The following IL27 variants were observed in gnomAD, a reference collection of about 807,000 sequenced individuals.
IL27 encodes interleukin-27 subunit alpha.
In IL27, 11 loss-of-function variants were observed where a neutral mutation model predicts 27.0. That is an observed-to-expected ratio of 0.41 (90% CI 0.26 to 0.67). The LOEUF is 0.67. IL27 is among the 30% of genes least tolerant of loss of function. The pLI is 0.34. For missense variants in IL27, 299 were observed against 310.4 expected (o/e 0.96, Z 0.28); for synonymous variants, 134 against 140.6 (o/e 0.95, Z 0.33).
At chr16:28,502,552 C>T (rs1220832837) in intron 3 of IL27, among the ~76,000 whole-genome samples, 1 of 151,904 alleles carries the variant, frequency 6.6e-6, no homozygotes, top group East Asian at 1.9e-4. Flanking sequence ...TCCATCTTTC[C>T]ATCCCATCTC....
In IL27 at chr16:28,499,871, TC is replaced by T; in HGVS notation, c.511del (p.Glu171ArgfsTer69). On this transcript the variant is annotated frameshift_variant, in exon 5 of 5. Coordinates refer to ENST00000356897, the MANE Select transcript of IL27 (RefSeq NM_145659.3). LOFTEE classifies it high-confidence loss of function. Reference sequence around the variant, plus strand: ...CCCCTTCCTCTCCTCCTCCTCCTCCTCCTCTTCCTCCTCCTCCTCCTCCGGG... The same window carrying T: ...CCCCTTCCTCTCCTCCTCCTCCTCCTCTCTTCCTCCTCCTCCTCCTCCGGG... ...NLPEEEEEEE[E>X]EEEEERKGLL... The T allele has an allele frequency of 6.4e-7, 1 of 1,553,898 alleles. No individual in the cohort carries two copies. Among genetic ancestry groups the T allele is most frequent in the Non-Finnish European group, 8.7e-7 (1 of 1,148,200 alleles).
At chr16:28,503,555 C>A in intron 3 of IL27, 140 bp downstream of exon 3, 1 of 652,274 alleles carries the variant, frequency 1.5e-6, no homozygotes, top group South Asian at 2.0e-5. Flanking sequence ...GCCTGTCTTT[C>A]ATCTCTATGT....
Position 28,499,648 on chromosome 16 carries a change from C to G in IL27, c.*3G>C, listed in dbSNP as rs200162263. ...GGGGGGCAGGGGGCTAAGAAGCCACCGATCAGGGCTGGGGGCTCAATGTTG... is the reference window on the plus strand; with the variant it reads ...GGGGGGCAGGGGGCTAAGAAGCCACGGATCAGGGCTGGGGGCTCAATGTTG... On this transcript the variant is annotated 3_prime_UTR_variant, in exon 5 of 5. Coordinates refer to ENST00000356897, the MANE Select transcript of IL27 (RefSeq NM_145659.3). 1 of 1,605,022 alleles carries G rather than the reference C, an allele frequency of 6.2e-7. No individual in the cohort carries two copies.
In IL27 at chr16:28,503,745, C is replaced by T. The variant is rs908907390; in HGVS notation, c.253G>A (p.Glu85Lys). ...GVNLYLLPLG[E>K]QLPDVSLTFQ... Reference sequence around the variant, plus strand: ...GTCAGGGAAACATCAGGGAGCTGCTCTCCCAGGGGCAGGAGGTACAGGTTC... The same window carrying T: ...GTCAGGGAAACATCAGGGAGCTGCTTTCCCAGGGGCAGGAGGTACAGGTTC... Residue 85 changes from glutamate to lysine, a missense_variant, in exon 3 of 5, where the codon GAG becomes AAG. By Grantham distance (56) the Glu-to-Lys change is moderately conservative. Coordinates refer to ENST00000356897, the MANE Select transcript of IL27 (RefSeq NM_145659.3). 3 of 1,613,664 alleles carry T rather than the reference C, an allele frequency of 1.9e-6. No individual in the cohort carries two copies. The highest frequency in any genetic ancestry group is 1.1e-5 in the South Asian group (1 of 91,014).
chr16:28,504,206 G>A (rs1042161871), intron 1 of IL27, among the ~76,000 whole-genome samples, 156 bp from the exon 2 acceptor site: 6 of 152,198 alleles, frequency 3.9e-5, no homozygotes, highest in African/African-American at 7.2e-5. Flanking sequence ...GGCTGGGTGC[G>A]GTGACTCACA....
At chr16:28,502,886 G>A (rs902177385) in intron 3 of IL27, among the ~76,000 whole-genome samples, 4 of 152,078 alleles carry the variant, frequency 2.6e-5, no homozygotes, top group Non-Finnish European at 4.4e-5. Context: ...GCAGTGGCGC[G>A]ATCTCATCTC....
intron 4 of IL27, among the ~76,000 whole-genome samples, chr16:28,500,948 C>G (rs906877704): frequency 1.3e-5 from 2 of 152,148 alleles, no homozygotes; most frequent in African/African-American, 4.8e-5. Flanking sequence ...GCCTGTAATC[C>G]CAGCACTTTG....
At position 28,502,103 on chromosome 16, in the gene IL27, G is replaced by T. The variant is rs147722011; in HGVS notation, c.335C>A (p.Thr112Lys). The change falls in exon 4 of 5, where the codon ACG (threonine) becomes AAG (lysine). Residue 112 changes from threonine (T) to lysine (K), a missense_variant. Coordinates refer to ENST00000356897, the MANE Select transcript of IL27 (RefSeq NM_145659.3). ...CAGCAGGGCATGGAAGGGCTGAAGC[G>T]TGGTGGAGATGAAGCAGAGACGCTC... ...DPERLCFISTTLQPFHALLGG... is the reference protein window; with the variant it reads ...DPERLCFISTKLQPFHALLGG... 187 of 1,612,802 alleles carry T rather than the reference G, an allele frequency of 1.2e-4. No homozygotes were observed. The African/African-American group carries it at 2.3e-3, about 20-fold the overall frequency.
intron 1 of IL27, 116 bp downstream of exon 1, chr16:28,506,665 C>G: frequency 9.6e-7 from 1 of 1,041,678 alleles, no homozygotes; most frequent in Non-Finnish European, 1.4e-6. Flanking sequence ...CCAGCCGAAT[C>G]CTCAGTCTTG....
intron 4 of IL27, among the ~76,000 whole-genome samples, chr16:28,500,757 A>C (rs1473038869): frequency 6.6e-6 from 1 of 152,204 alleles, no homozygotes; most frequent in Non-Finnish European, 1.5e-5. Context: ...CCTCCTGTTG[A>C]AGATAGAGCC....
At position 28,503,781 on chromosome 16, in the gene IL27, G is replaced by C. The variant is rs373456186; in HGVS notation, c.217C>G (p.Leu73Val). 1.6e-4 allele frequency: 255 copies of C among 1,613,482 alleles called. No individual in the cohort carries two copies. Among genetic ancestry groups the C allele is most frequent in the Non-Finnish European group, 2.0e-4 (239 of 1,179,672 alleles). Residue 73 changes from leucine (L) to valine (V), a missense_variant, in exon 3 of 5, where the codon CTG becomes GTG. Transcript: ENST00000356897. ...AGGAGGTACAGGTTCACTCCTGGCAGGTGAGATTCCGCCTGGGGGGCAAGG... is the reference window on the plus strand; with the variant it reads ...AGGAGGTACAGGTTCACTCCTGGCACGTGAGATTCCGCCTGGGGGGCAAGG... ...GQAHRFAESH[L>V]PGVNLYLLPL...
intron 1 of IL27, 141 bp from the exon 2 acceptor site, chr16:28,504,191 A>C: frequency 3.5e-5 from 29 of 833,450 alleles, no homozygotes; most frequent in Non-Finnish European, 5.1e-5. Flanking sequence ...CAAAACCACA[A>C]TGGAGGCTGG....
In IL27 at chr16:28,499,868, T is replaced by A; in HGVS notation, c.515A>T (p.Glu172Val). The A allele has an allele frequency of 6.4e-7, 1 of 1,553,984 alleles. No individual in the cohort carries two copies. Among genetic ancestry groups the A allele is most frequent in the South Asian group, 1.2e-5 (1 of 84,254 alleles). The change falls in exon 5 of 5, where the codon GAG (glutamate) becomes GTG (valine). Residue 172 changes from glutamate to valine, a missense_variant. Transcript: ENST00000356897. ...LPEEEEEEEEEEEEERKGLLP... is the reference protein window; with the variant it reads ...LPEEEEEEEEVEEEERKGLLP... Reference sequence around the variant, plus strand: ...CAGCCCCTTCCTCTCCTCCTCCTCCTCCTCCTCTTCCTCCTCCTCCTCCTC... The same window carrying A: ...CAGCCCCTTCCTCTCCTCCTCCTCCACCTCCTCTTCCTCCTCCTCCTCCTC...
At position 28,505,833 on chromosome 16, in the gene IL27, G is replaced by A. The variant is rs528734473; in HGVS notation, c.31+948C>T. 3.3e-5 allele frequency among the ~76,000 whole-genome samples: 5 copies of A among 152,202 alleles called. No individual in the cohort carries two copies. In the East Asian group the frequency reaches 9.7e-4, roughly 29 times the overall value. The stretch of plus-strand genomic sequence containing the variant: ...TCCCTTCTCTCCCTGCCTCTTCCCT[G>A]TCCTCTCTCAATCTCTAACCCCTGG... On this transcript the variant is annotated intron_variant, in intron 1 of 4. Coordinates refer to ENST00000356897, the MANE Select transcript of IL27 (RefSeq NM_145659.3).
Position 28,499,446 on chromosome 16 carries a change from C to T in IL27, c.*205G>A. ...GGCCCCAAGACAATAAATAAACCATCATCTCCCTAAACAATAAATAAATAT... is the reference window on the plus strand; with the variant it reads ...GGCCCCAAGACAATAAATAAACCATTATCTCCCTAAACAATAAATAAATAT... On this transcript the variant is annotated 3_prime_UTR_variant, in exon 5 of 5. Coordinates refer to ENST00000356897, the MANE Select transcript of IL27 (RefSeq NM_145659.3). 3.6e-6 allele frequency: 2 copies of T among 552,666 alleles called. No individual in the cohort carries two copies. The highest frequency in any genetic ancestry group is 6.5e-6 in the Non-Finnish European group (2 of 309,674). The allele number at this position is 552,666 out of a possible 1,614,324, so 34.2% of individuals were successfully genotyped here. A position where few individuals can be genotyped will look rare whatever the true frequency, so the allele number is the denominator to read the frequency against.
At chr16:28,502,472 C>G (rs963515797) in intron 3 of IL27, among the ~76,000 whole-genome samples, 3 of 152,014 alleles carry the variant, frequency 2.0e-5, no homozygotes, top group Non-Finnish European at 2.9e-5. Flanking sequence ...GTGTTTCCAT[C>G]CCATCTTCAG....
Position 28,499,915 on chromosome 16 carries a change from C to A in IL27, c.468G>T (p.Leu156=). Residue 156 remains leucine (L), a synonymous_variant, in exon 5 of 5, where the codon CTG becomes CTT. Transcript: ENST00000356897. ...CCTCCGGGAGGTTGAATCCTGCAGC[C>A]AGCACCTGTGAGGAGAGGCCATGGG... is the stretch of plus-strand genomic sequence containing the variant. ...DLQRHLRFQV[L]AAGFNLPEEE... 1.3e-6 allele frequency: 2 copies of A among 1,547,816 alleles called. No individual in the cohort carries two copies. The highest frequency in any genetic ancestry group is 1.7e-4 in the Middle Eastern group (1 of 5,976).
rs1191632125 is a variant in IL27 at position 28,499,637 on chromosome 16, T to C, written c.*14A>G. On this transcript the variant is annotated 3_prime_UTR_variant, in exon 5 of 5. Transcript: ENST00000356897. ...TTCTAAAGGGTGGGGGGCAGGGGGC[T>C]AAGAAGCCACCGATCAGGGCTGGGG... 6.3e-7 allele frequency: 1 copy of C among 1,597,308 alleles called. No individual in the cohort carries two copies. The highest frequency in any genetic ancestry group is 1.3e-5 in the African/African-American group (1 of 74,456).
intron 4 of IL27, 63 bp from the exon 5 acceptor site, chr16:28,499,983 C>T: frequency 1.4e-6 from 2 of 1,473,804 alleles, no homozygotes; most frequent in South Asian, 2.7e-5. Flanking sequence ...AATCCTCATT[C>T]CCTATTCATG....
Sources: gnomAD v4.1 joint callset for allele counts (sites outside exome capture counted in the v4.1 genomes callset) on GRCh38, gnomAD v4.1.1 for gene constraint, MANE v1.5 for transcripts, NCBI Gene and HGNC (gene_info 2026-07-23, HGNC 2026-07-21) for gene names.